MYRIP: variants seen among roughly 807,000 people sequenced by gnomAD.
MYRIP encodes rab effector MyRIP.
A neutral mutation model predicts 98.0 loss-of-function variants in MYRIP; 49 were observed. The observed-to-expected ratio is 0.50, with a 90% CI of 0.40 to 0.63. The LOEUF is 0.63. Ranked by LOEUF, MYRIP falls within the 30% of genes least tolerant of loss-of-function variation. The pLI, the probability that MYRIP is intolerant of heterozygous loss-of-function variation, is 0.00. For missense variants in MYRIP, 1,004 were observed against 1,058.2 expected (o/e 0.95, Z 0.71); for synonymous variants, 404 against 409.5 (o/e 0.99, Z 0.16).
intron 11 of MYRIP, among the ~76,000 whole-genome samples, chr3:40,225,831 A>G (rs529006571): frequency 6.6e-6 from 1 of 152,076 alleles, no homozygotes. Context: ...ATGGCCACAT[A>G]TTTATTTTAT....
chr3:39,853,607 G>GT (rs1348116738), intron 1 of MYRIP, among the ~76,000 whole-genome samples: 1 of 151,888 alleles, frequency 6.6e-6, no homozygotes, highest in African/African-American at 2.4e-5. Flanking sequence ...GGGATTATTT[G>GT]TTTTTTTCTT....
chr3:40,069,265 A>T (rs1948178296), intron 3 of MYRIP, among the ~76,000 whole-genome samples: 1 of 152,006 alleles, frequency 6.6e-6, no homozygotes, highest in Admixed American at 6.6e-5. Flanking sequence ...ACCACCACCT[A>T]CTTTTTATCT....
At chr3:40,245,796 G>A (rs1184493243) in intron 13 of MYRIP, among the ~76,000 whole-genome samples, 1 of 138,406 alleles carries the variant, frequency 7.2e-6, no homozygotes, top group East Asian at 2.1e-4. Flanking sequence ...CACCCAGGCT[G>A]GAGTACAGTG....
At chr3:39,888,232 G>A (rs1032798561) in intron 1 of MYRIP, among the ~76,000 whole-genome samples, 1 of 152,068 alleles carries the variant, frequency 6.6e-6, no homozygotes, top group Non-Finnish European at 1.5e-5. Context: ...TCAATCCTAA[G>A]CCAAAAGAAC....
chr3:39,869,191 A>G (rs557774099), intron 1 of MYRIP, among the ~76,000 whole-genome samples: 21 of 152,308 alleles, frequency 1.4e-4, no homozygotes, highest in African/African-American at 4.3e-4. Flanking sequence ...GTCTTCCATT[A>G]GAAATATTTC....
intron 3 of MYRIP, among the ~76,000 whole-genome samples, chr3:40,048,220 GACC>G (rs1947710809): frequency 6.6e-6 from 1 of 152,194 alleles, no homozygotes; most frequent in South Asian, 2.1e-4. Context: ...TTACACAGAT[GACC>G]ACTTTTGTGA....
chr3:39,984,193 G>GTTTTAT (rs144135376), intron 2 of MYRIP, among the ~76,000 whole-genome samples: 1 of 145,566 alleles, frequency 6.9e-6, no homozygotes, highest in African/African-American at 2.6e-5. Context: ...TGTAAGGAAA[G>GTTTTAT]TTTATTTTAT....
intron 2 of MYRIP, among the ~76,000 whole-genome samples, chr3:40,019,619 C>T (rs757315354): frequency 2.6e-5 from 4 of 152,052 alleles, no homozygotes; most frequent in Non-Finnish European, 4.4e-5. Context: ...CAGCACCTGG[C>T]AGAGAGCCAG....
intron 3 of MYRIP, among the ~76,000 whole-genome samples, chr3:40,110,141 A>G (rs985991079): frequency 6.6e-6 from 1 of 152,206 alleles, no homozygotes; most frequent in Non-Finnish European, 1.5e-5. Flanking sequence ...TGCCAGACTC[A>G]TTGGAAATAC....
intron 2 of MYRIP, among the ~76,000 whole-genome samples, chr3:39,917,474 A>T (rs947867205): frequency 4.6e-5 from 2 of 43,738 alleles, no homozygotes; most frequent in Admixed American, 2.1e-4. Flanking sequence ...TAGGAAAATT[A>T]AAAAAAAAAA....
intron 1 of MYRIP, among the ~76,000 whole-genome samples, chr3:39,892,261 G>C (rs1324820832): frequency 1.3e-5 from 2 of 152,088 alleles, no homozygotes; most frequent in Non-Finnish European, 2.9e-5. Context: ...AATCAGGCGA[G>C]GTTGTGGGAT....
At chr3:39,831,165 T>C (rs896481150) in intron 1 of MYRIP, among the ~76,000 whole-genome samples, 2 of 152,166 alleles carry the variant, frequency 1.3e-5, no homozygotes, top group Non-Finnish European at 2.9e-5. Flanking sequence ...CTCTTAGTGT[T>C]GGACTGCCCC....
At chr3:39,877,847 G>A (rs542451266) in intron 1 of MYRIP, among the ~76,000 whole-genome samples, 1,555 of 117,984 alleles carry the variant, frequency 0.013, 21 homozygotes, top group African/African-American at 0.045. Context: ...CCAGCTGCGT[G>A]CTGGGAGAAC....
chr3:40,213,609 A>AAC (rs71618924), intron 11 of MYRIP, among the ~76,000 whole-genome samples: 2,488 of 42,864 alleles, frequency 0.058, 16 homozygotes, highest in East Asian at 0.15. Flanking sequence ...TAGTCTGAGC[A>AAC]ACACACACAC....
At chr3:40,151,719 T>C (rs1009058841) in intron 4 of MYRIP, among the ~76,000 whole-genome samples, 29 of 152,214 alleles carry the variant, frequency 1.9e-4, no homozygotes, top group Non-Finnish European at 3.4e-4. Flanking sequence ...ACCAAGCTAC[T>C]TGGAATGGGA....
chr3:39,902,694 C>T (rs1188337449), intron 2 of MYRIP, among the ~76,000 whole-genome samples: 5 of 152,210 alleles, frequency 3.3e-5, no homozygotes, highest in Admixed American at 6.5e-5. Context: ...TGGAAACTCA[C>T]ATATGGATAA....
chr3:40,139,335 A>G (rs1949847090), intron 3 of MYRIP, among the ~76,000 whole-genome samples: 1 of 152,226 alleles, frequency 6.6e-6, no homozygotes, highest in Non-Finnish European at 1.5e-5. Context: ...ATACAATCAT[A>G]TAACCACTAC....
At chr3:40,162,910 C>A in intron 5 of MYRIP, 100 bp downstream of exon 5, 1 of 1,026,844 alleles carries the variant, frequency 9.7e-7, no homozygotes. Flanking sequence ...ATTGTTACCC[C>A]AGATGCAACT....
intron 2 of MYRIP, among the ~76,000 whole-genome samples, chr3:39,988,201 C>T (rs566074372): frequency 6.6e-6 from 1 of 151,958 alleles, no homozygotes; most frequent in Non-Finnish European, 1.5e-5. Flanking sequence ...AGGAGATATA[C>T]CTAATGCTAA....
Sources: gnomAD v4.1 joint callset for allele counts (sites outside exome capture counted in the v4.1 genomes callset) on GRCh38, gnomAD v4.1.1 for gene constraint, MANE v1.5 for transcripts, NCBI Gene and HGNC (gene_info 2026-07-23, HGNC 2026-07-21) for gene names.